VAV3: variants seen among roughly 807,000 people sequenced by gnomAD.
The protein encoded by VAV3 is vav guanine nucleotide exchange factor 3.
VAV3 carries 94 observed loss-of-function variants against 131.2 expected under a neutral mutation model. The ratio of observed to expected loss-of-function variants is 0.72; its 90% CI spans 0.61 to 0.85. The LOEUF (loss-of-function observed/expected upper bound fraction) is 0.85. VAV3 is among the 40% of genes least tolerant of loss of function. The probability of loss-of-function intolerance (pLI) is 0.00; values close to 1 mark genes in which losing one functional copy is unlikely to be tolerated. For synonymous variants in VAV3, 349 were observed against 342.0 expected (o/e 1.02, Z -0.22); for missense variants, 939 against 1,002.7 (o/e 0.94, Z 0.86).
chr1:107,820,657 G>A (rs1392077151), intron 2 of VAV3: 8 of 152,136 alleles, frequency 5.3e-5, no homozygotes, highest in Admixed American at 2.6e-4. Context: ...TATTTGAGTC[G>A]ACAGATGCCC....
At chr1:107,838,263 C>G (rs1185060173) in intron 2 of VAV3, among the ~76,000 whole-genome samples, 1 of 152,002 alleles carries the variant, frequency 6.6e-6, no homozygotes, top group Non-Finnish European at 1.5e-5. Flanking sequence ...AAATCAAGCA[C>G]AAAACAGGAA....
At chr1:107,731,149 C>T (rs2101968580) in intron 15 of VAV3, among the ~76,000 whole-genome samples, 1 of 152,084 alleles carries the variant, frequency 6.6e-6, no homozygotes, top group East Asian at 1.9e-4. Flanking sequence ...AATCTGAAGC[C>T]ATCCTTTAAA....
intron 25 of VAV3, among the ~76,000 whole-genome samples, chr1:107,582,995 T>C: frequency 6.6e-6 from 1 of 152,164 alleles, no homozygotes; most frequent in African/African-American, 2.4e-5. Flanking sequence ...CACACTGACT[T>C]CCACAATGGT....
chr1:107,601,488 G>A (rs1311656743), intron 24 of VAV3, among the ~76,000 whole-genome samples: 5 of 152,240 alleles, frequency 3.3e-5, no homozygotes, highest in Admixed American at 1.3e-4. Flanking sequence ...GCTTTGAGAT[G>A]TTTTCTGGAA....
intron 1 of VAV3, chr1:107,963,529 G>A (rs574293037): frequency 3.3e-5 from 5 of 152,348 alleles, no homozygotes; most frequent in African/African-American, 1.2e-4. Flanking sequence ...CTGAAGTGCA[G>A]GGGACCCTGA....
At chr1:107,589,708 T>A (rs1650789570) in intron 25 of VAV3, among the ~76,000 whole-genome samples, 1 of 151,872 alleles carries the variant, frequency 6.6e-6, no homozygotes, top group South Asian at 2.1e-4. Context: ...GAGGAAAAGA[T>A]GACAAAAAAA....
At chr1:107,724,648 G>A (rs1356254305) in intron 15 of VAV3, among the ~76,000 whole-genome samples, 1 of 152,126 alleles carries the variant, frequency 6.6e-6, no homozygotes, top group East Asian at 1.9e-4. Context: ...CAGGAAAAGG[G>A]CATAGCTGCT....
At chr1:107,621,089 ATT>A (rs5776895) in intron 20 of VAV3, among the ~76,000 whole-genome samples, 166 of 147,418 alleles carry the variant, frequency 1.1e-3, no homozygotes, top group African/African-American at 4.1e-3. Context: ...ATCAAAACTC[ATT>A]TTTTTTTTTT....
At chr1:107,610,587 C>A (rs984141475) in intron 21 of VAV3, among the ~76,000 whole-genome samples, 1 of 151,966 alleles carries the variant, frequency 6.6e-6, no homozygotes, top group African/African-American at 2.4e-5. Flanking sequence ...AACTAAGAAC[C>A]TTTTATTCAG....
At chr1:107,584,206 T>A (rs1475620641) in intron 25 of VAV3, among the ~76,000 whole-genome samples, 1 of 152,218 alleles carries the variant, frequency 6.6e-6, no homozygotes, top group African/African-American at 2.4e-5. Flanking sequence ...GCTAGCCATA[T>A]GTAGAAAGCT....
chr1:107,699,341 T>G (rs1338560672), intron 17 of VAV3, among the ~76,000 whole-genome samples: 1 of 152,250 alleles, frequency 6.6e-6, no homozygotes. Flanking sequence ...TCTGACTCCA[T>G]GTCTCATATC....
chr1:107,622,921 A>T (rs1394897787), intron 20 of VAV3, among the ~76,000 whole-genome samples: 1 of 152,216 alleles, frequency 6.6e-6, no homozygotes, highest in Non-Finnish European at 1.5e-5. Context: ...GGATGGATGG[A>T]AAGATGAACA....
At chr1:107,649,165 C>CA (rs1655964235) in intron 19 of VAV3, among the ~76,000 whole-genome samples, 1 of 152,012 alleles carries the variant, frequency 6.6e-6, no homozygotes, top group Admixed American at 6.6e-5. Flanking sequence ...TTAGCAGCCA[C>CA]AGGGAGTTCT....
intron 19 of VAV3, among the ~76,000 whole-genome samples, chr1:107,671,172 G>A (rs919018405): frequency 1.3e-5 from 2 of 152,174 alleles, no homozygotes; most frequent in Non-Finnish European, 2.9e-5. Flanking sequence ...CAAACTGAAA[G>A]AGTAATTCTT....
At chr1:107,890,921 T>C (rs2101059569) in intron 1 of VAV3, among the ~76,000 whole-genome samples, 1 of 152,354 alleles carries the variant, frequency 6.6e-6, no homozygotes, top group East Asian at 1.9e-4. Context: ...TAGTTATTCA[T>C]TGCCACTTTA....
At chr1:107,741,042 G>A (rs927753293) in intron 15 of VAV3, among the ~76,000 whole-genome samples, 5 of 152,132 alleles carry the variant, frequency 3.3e-5, no homozygotes, top group African/African-American at 9.7e-5. Context: ...AGAGAGGAGG[G>A]GACAGGAAGG....
chr1:107,642,484 C>T, intron 20 of VAV3, 135 bp downstream of exon 20: 2 of 1,044,156 alleles, frequency 1.9e-6, no homozygotes, highest in South Asian at 1.6e-5. Context: ...AGTAGCCATT[C>T]TTTTATTCCT....
intron 2 of VAV3, among the ~76,000 whole-genome samples, chr1:107,793,356 G>A (rs546911061): frequency 6.6e-6 from 1 of 152,022 alleles, no homozygotes; most frequent in African/African-American, 2.4e-5. Flanking sequence ...GAGTTGAAAG[G>A]GTGTCTGCAT....
At chr1:107,749,677 T>C (rs1663586206) in intron 13 of VAV3, 83 bp from the exon 14 acceptor site, 2 of 1,489,198 alleles carry the variant, frequency 1.3e-6, no homozygotes, top group Middle Eastern at 1.8e-4. Context: ...AGCAACCAAA[T>C]GTTTTTTTCT....
Sources: allele counts gnomAD v4.1 joint callset (sites outside exome capture counted in the v4.1 genomes callset), GRCh38; gene constraint gnomAD v4.1.1; transcripts MANE v1.5; gene names NCBI Gene and HGNC (gene_info 2026-07-23, HGNC 2026-07-21).